Variants in FHIT observed in about 807,000 individuals in gnomAD.
The protein encoded by FHIT is fragile histidine triad diadenosine triphosphatase, also known as bis(5'-adenosyl)-triphosphatase.
Under a neutral mutation model 17.9 loss-of-function variants are expected in FHIT, and 19 were observed. The observed-to-expected ratio is 1.06, with a 90% CI of 0.74 to 1.56. FHIT has a LOEUF of 1.56. FHIT is among the 40% of genes most tolerant of loss of function. The pLI, the probability that FHIT is intolerant of heterozygous loss-of-function variation, is 0.00. For synonymous variants in FHIT, 81 were observed against 69.7 expected, an observed-to-expected ratio of 1.16 and a Z score of -0.81; for missense variants, 248 against 189.2, an observed-to-expected ratio of 1.31 and a Z score of -1.82.
chr3:60,739,268 C>T (rs1252313996), intron 4 of FHIT, among the ~76,000 whole-genome samples: 1 of 152,194 alleles, frequency 6.6e-6, no homozygotes, highest in Non-Finnish European at 1.5e-5. Flanking sequence ...TGGCCCTCTG[C>T]CCTTGCAGAA....
chr3:59,788,876 CAT>C (rs1699421189), intron 8 of FHIT, among the ~76,000 whole-genome samples: 1 of 1,554 alleles, frequency 6.4e-4, no homozygotes, highest in East Asian at 0.021. Flanking sequence ...TTGCTGAGTT[CAT>C]ATGTTTTTTT....
intron 5 of FHIT, among the ~76,000 whole-genome samples, chr3:60,042,706 T>C (rs984411310): frequency 1.3e-5 from 2 of 152,108 alleles, no homozygotes; most frequent in African/African-American, 4.8e-5. Context: ...TCAGAGGCAC[T>C]AGGGATTAGG....
At chr3:59,804,447 G>A (rs907632824) in intron 8 of FHIT, among the ~76,000 whole-genome samples, 11 of 152,124 alleles carry the variant, frequency 7.2e-5, no homozygotes, top group Admixed American at 4.6e-4. Flanking sequence ...GACAAAATGC[G>A]CAAACAAAGC....
chr3:59,925,086 CTATT>C (rs1191263004), intron 7 of FHIT, among the ~76,000 whole-genome samples: 4 of 150,470 alleles, frequency 2.7e-5, no homozygotes, highest in Non-Finnish European at 5.9e-5. Context: ...TCCCTCCTTC[CTATT>C]TTTTTCCCTT....
intron 2 of FHIT, among the ~76,000 whole-genome samples, chr3:61,181,057 T>C (rs948659170): frequency 6.6e-6 from 1 of 152,168 alleles, no homozygotes. Flanking sequence ...TCATACCAAA[T>C]ACAAGGAAAG....
intron 5 of FHIT, among the ~76,000 whole-genome samples, chr3:60,122,180 C>T (rs1705289745): frequency 1.3e-5 from 2 of 151,856 alleles, no homozygotes; most frequent in South Asian, 4.1e-4. Flanking sequence ...CTCAAATGTA[C>T]TGCTAATTAC....
At chr3:60,292,436 GTCC>G (rs1234784078) in intron 5 of FHIT, among the ~76,000 whole-genome samples, 2 of 152,056 alleles carry the variant, frequency 1.3e-5, no homozygotes, top group Non-Finnish European at 2.9e-5. Context: ...AATCAGGGGT[GTCC>G]TCCTAACTTG....
At chr3:60,121,538 G>A (rs1392981441) in intron 5 of FHIT, among the ~76,000 whole-genome samples, 2 of 151,992 alleles carry the variant, frequency 1.3e-5, no homozygotes, top group Non-Finnish European at 2.9e-5. Flanking sequence ...ATAAAAATTA[G>A]CCAGGCGTGG....
chr3:61,010,166 T>C (rs2031707097), intron 3 of FHIT, among the ~76,000 whole-genome samples: 6 of 151,952 alleles, frequency 3.9e-5, no homozygotes. Context: ...GCTATAAATA[T>C]ACTTGATGAC....
intron 2 of FHIT, among the ~76,000 whole-genome samples, chr3:61,111,359 T>C (rs962001801): frequency 6.6e-6 from 1 of 152,194 alleles, no homozygotes; most frequent in Non-Finnish European, 1.5e-5. Flanking sequence ...AATCTCATTT[T>C]TTTTCATCTA....
intron 9 of FHIT, chr3:59,751,195 C>CTA (rs1265186567): frequency 7.3e-5 from 13 of 177,504 alleles, no homozygotes; most frequent in African/African-American, 2.6e-4. Context: ...CATGGTAACC[C>CTA]TATATTTATA....
intron 4 of FHIT, among the ~76,000 whole-genome samples, chr3:60,687,386 T>C (rs1553698692): frequency 6.6e-6 from 1 of 152,154 alleles, no homozygotes; most frequent in Non-Finnish European, 1.5e-5. Flanking sequence ...GTTTATTATA[T>C]AGTTTCCTTT....
At chr3:60,209,866 T>C (rs1439714284) in intron 5 of FHIT, among the ~76,000 whole-genome samples, 2 of 151,772 alleles carry the variant, frequency 1.3e-5, no homozygotes, top group African/African-American at 2.4e-5. Context: ...TTCTCACTCA[T>C]AAGGGGGAGT....
chr3:60,260,309 C>G (rs1200532780), intron 5 of FHIT, among the ~76,000 whole-genome samples: 4 of 150,428 alleles, frequency 2.7e-5, no homozygotes, highest in Non-Finnish European at 4.4e-5. Context: ...GCCTCAGTTA[C>G]TGGATTCCTG....
At chr3:61,207,359 T>G (rs2039278998) in intron 1 of FHIT, among the ~76,000 whole-genome samples, 1 of 152,232 alleles carries the variant, frequency 6.6e-6, no homozygotes, top group African/African-American at 2.4e-5. Context: ...GGATTTCCTC[T>G]TTTTCTATTG....
chr3:60,314,868 C>T (rs1277084971), intron 5 of FHIT, among the ~76,000 whole-genome samples: 5 of 152,172 alleles, frequency 3.3e-5, no homozygotes, highest in South Asian at 4.2e-4. Flanking sequence ...CAGGATCACT[C>T]GAGTCCCAAG....
At chr3:60,164,970 A>C (rs1413805068) in intron 5 of FHIT, among the ~76,000 whole-genome samples, 1 of 152,002 alleles carries the variant, frequency 6.6e-6, no homozygotes, top group Non-Finnish European at 1.5e-5. Flanking sequence ...AATGCCACAG[A>C]GAGTCACAAC....
intron 8 of FHIT, among the ~76,000 whole-genome samples, chr3:59,845,065 G>A (rs1463353416): frequency 6.6e-6 from 1 of 152,008 alleles, no homozygotes; most frequent in Non-Finnish European, 1.5e-5. Context: ...TATCCAATGT[G>A]CTGGCATGCA....
At chr3:61,025,020 CCTT>C (rs67362887) in intron 3 of FHIT, among the ~76,000 whole-genome samples, 3,872 of 144,748 alleles carry the variant, frequency 0.027, 73 homozygotes, top group Non-Finnish European at 0.034. Flanking sequence ...CCCTTTTTCA[CCTT>C]CTCTCCACTC....
Sources: gnomAD v4.1 joint callset for allele counts (sites outside exome capture counted in the v4.1 genomes callset) on GRCh38, gnomAD v4.1.1 for gene constraint, MANE v1.5 for transcripts, NCBI Gene and HGNC (gene_info 2026-07-23, HGNC 2026-07-21) for gene names.